Variants in KCNIP1 observed in about 807,000 individuals in gnomAD.
KCNIP1 encodes the protein A-type potassium channel modulatory protein KCNIP1.
Under a neutral mutation model 33.0 loss-of-function variants are expected in KCNIP1, and 18 were observed. The observed-to-expected ratio is 0.55, with a 90% CI of 0.38 to 0.81. The LOEUF (loss-of-function observed/expected upper bound fraction) is 0.81. Ranked by LOEUF, KCNIP1 falls within the 30% of genes least tolerant of loss-of-function variation. KCNIP1 has a pLI of 0.00. For missense variants in KCNIP1, 238 were observed against 271.6 expected, an observed-to-expected ratio of 0.88 and a Z score of 0.87; for synonymous variants, 93 against 98.3, an observed-to-expected ratio of 0.95 and a Z score of 0.32.
In KCNIP1 at chr5:170,535,236, C is replaced by T. The variant is rs202150214; in HGVS notation, c.61+30603C>T. 3.5e-3 allele frequency among the ~76,000 whole-genome samples: 533 copies of T among 152,286 alleles called. 5 individuals carry two copies. The highest frequency in any genetic ancestry group is 0.011 in the African/African-American group (476 of 41,560). On this transcript the variant is annotated intron_variant, in intron 1 of 7. Coordinates refer to ENST00000328939, the MANE Select transcript of KCNIP1 (RefSeq NM_014592.4). ...GTTAGGAGGGAGGCCGTGTCCTCCA[C>T]TCCCCTAGCTGACACACTGGAAGGA...
intron 1 of KCNIP1, among the ~76,000 whole-genome samples, chr5:170,617,810 A>T (rs181924428): frequency 6.6e-6 from 1 of 152,352 alleles, no homozygotes; most frequent in Admixed American, 6.5e-5. Context: ...CCTCCAGGGA[A>T]TGCAGATCTA....
rs771844800 is a variant in KCNIP1 at position 170,714,646 on chromosome 5, G to A, written c.62-4112G>A. On this transcript the variant is annotated intron_variant, in intron 1 of 7. Coordinates refer to ENST00000328939, the MANE Select transcript of KCNIP1 (RefSeq NM_014592.4). Reference sequence around the variant, plus strand: ...TGACCCTGTGTGGGCTCAGGCTAACGTGTGTGGTTGTGTCTTCATTTGTAA... The same window carrying A: ...TGACCCTGTGTGGGCTCAGGCTAACATGTGTGGTTGTGTCTTCATTTGTAA... Among the ~76,000 whole-genome samples, 109 of 152,086 alleles carry A rather than the reference G, an allele frequency of 7.2e-4. 2 individuals carry two copies. The highest frequency in any genetic ancestry group is 2.2e-4 in the Non-Finnish European group (15 of 68,028).
chr5:170,428,115 G>A (rs1047791540), intron 1 of KCNIP1, among the ~76,000 whole-genome samples: 5 of 152,088 alleles, frequency 3.3e-5, no homozygotes, highest in Admixed American at 2.0e-4. Context: ...GTGTCCCAGG[G>A]ACAACATCTG....
chr5:170,543,883 C>A (rs1281273345), intron 1 of KCNIP1, among the ~76,000 whole-genome samples: 1 of 152,150 alleles, frequency 6.6e-6, no homozygotes, highest in Non-Finnish European at 1.5e-5. Flanking sequence ...CTTTGAATTT[C>A]CATTACATCA....
intron 1 of KCNIP1, among the ~76,000 whole-genome samples, chr5:170,574,973 C>G (rs1208174328): frequency 6.6e-6 from 1 of 152,042 alleles, no homozygotes; most frequent in East Asian, 1.9e-4. Flanking sequence ...CAACAGTATT[C>G]GAAGACCTGC....
chr5:170,724,150 C>T (rs191438404), intron 5 of KCNIP1, among the ~76,000 whole-genome samples: 2 of 152,260 alleles, frequency 1.3e-5, no homozygotes, highest in African/African-American at 4.8e-5. Context: ...AAATTATATT[C>T]ACAGTTAAAA....
chr5:170,461,775 A>C (rs1756506751), intron 1 of KCNIP1, among the ~76,000 whole-genome samples: 1 of 152,038 alleles, frequency 6.6e-6, no homozygotes, highest in South Asian at 2.1e-4. Flanking sequence ...CAAATAGACC[A>C]ATGGAACAGA....
chr5:170,591,611 T>TC (rs759056738), intron 1 of KCNIP1, among the ~76,000 whole-genome samples: 6 of 152,194 alleles, frequency 3.9e-5, no homozygotes, highest in Non-Finnish European at 7.3e-5. Context: ...CCCCATTCCC[T>TC]CTTCCCCCAG....
chr5:170,504,462 C>T lies in KCNIP1; in HGVS notation c.-111C>T, dbSNP rs1226426645. The stretch of plus-strand genomic sequence containing the variant: ...GAATACCAAGCTGCAGGCGAGCTGC[C>T]GGGCGCTTTTCTCTCCTCCAATTCA... On this transcript the variant is annotated 5_prime_UTR_variant, in exon 1 of 8. Transcript: ENST00000328939. The surrounding 1 kb of genome is among the most constrained non-coding windows in gnomAD (Gnocchi z 6.0). 3 of 1,560,830 alleles carry T rather than the reference C, an allele frequency of 1.9e-6. No individual in the cohort carries two copies. Among genetic ancestry groups the T allele is most frequent in the East Asian group, 4.5e-5 (2 of 44,368 alleles).
intron 1 of KCNIP1, among the ~76,000 whole-genome samples, chr5:170,589,956 G>T (rs1411082769): frequency 2.0e-5 from 3 of 152,182 alleles, no homozygotes; most frequent in Non-Finnish European, 4.4e-5. Context: ...TTTGGGTGGT[G>T]ACTTCATCTC....
intron 1 of KCNIP1, chr5:170,378,450 C>T (rs1483780692): frequency 8.6e-6 from 4 of 466,012 alleles, no homozygotes; most frequent in African/African-American, 5.9e-5. Flanking sequence ...TGAGTGGGGA[C>T]AGGTAATAGA....
At chr5:170,386,130 AAAAC>A (rs1361458128) in intron 1 of KCNIP1, among the ~76,000 whole-genome samples, 14 of 150,484 alleles carry the variant, frequency 9.3e-5, no homozygotes, top group African/African-American at 2.7e-4. Flanking sequence ...GTCAAAAAAA[AAAAC>A]AAAAAACAAA....
chr5:170,468,904 G>GA lies in KCNIP1; in HGVS notation c.88+114951dup, dbSNP rs35038538. 6.3e-4 allele frequency among the ~76,000 whole-genome samples: 93 copies of GA among 147,846 alleles called. No individual in the cohort carries two copies. The East Asian group carries it at 0.011, about 18-fold the overall frequency. On this transcript the variant is annotated intron_variant, in intron 1 of 7. Transcript: ENST00000377360. ...ACAAAATTTTTTTAATGGCTATAATGAAAAAAAAAAATCAACCAGTATGTA... is the reference window on the plus strand; with the variant it reads ...ACAAAATTTTTTTAATGGCTATAATGAAAAAAAAAAAATCAACCAGTATGTA...
chr5:170,716,679 G>T (rs941943725), intron 1 of KCNIP1, among the ~76,000 whole-genome samples: 7 of 152,168 alleles, frequency 4.6e-5, no homozygotes, highest in African/African-American at 1.4e-4. Flanking sequence ...AATGAAGTGG[G>T]TTTAATAGTT....
chr5:170,592,606 C>A (rs765331325), intron 1 of KCNIP1, among the ~76,000 whole-genome samples: 2 of 152,208 alleles, frequency 1.3e-5, no homozygotes, highest in Non-Finnish European at 2.9e-5. Flanking sequence ...TACTTCTCAT[C>A]TTTGGCACAG....
chr5:170,357,607 G>A (rs1253042774), intron 1 of KCNIP1, among the ~76,000 whole-genome samples: 1 of 152,166 alleles, frequency 6.6e-6, no homozygotes, highest in African/African-American at 2.4e-5. Flanking sequence ...ACGGCTCACT[G>A]CAGCCTCGAC....
chr5:170,552,771 A>AG (rs1487065195), intron 1 of KCNIP1, among the ~76,000 whole-genome samples: 4 of 152,212 alleles, frequency 2.6e-5, no homozygotes, highest in Non-Finnish European at 4.4e-5. Context: ...CAGGACTGAC[A>AG]GGCTCCGATT....
intron 1 of KCNIP1, among the ~76,000 whole-genome samples, chr5:170,357,294 C>T (rs1479763686): frequency 6.6e-6 from 1 of 152,178 alleles, no homozygotes; most frequent in South Asian, 2.1e-4. Context: ...TTACAATACC[C>T]TTCTTATGGG....
At chr5:170,591,891 ATGC>A (rs753545995) in intron 1 of KCNIP1, among the ~76,000 whole-genome samples, 3 of 152,204 alleles carry the variant, frequency 2.0e-5, no homozygotes, top group Non-Finnish European at 4.4e-5. Flanking sequence ...ATTGTGCATA[ATGC>A]TGCTATACAC....
Sources: gnomAD v4.1 joint callset for allele counts (sites outside exome capture counted in the v4.1 genomes callset) on GRCh38, gnomAD v4.1.1 for gene constraint, Gnocchi (gnomAD v3.1) non-coding constraint, MANE v1.5 for transcripts, NCBI Gene and HGNC (gene_info 2026-07-23, HGNC 2026-07-21) for gene names.